Variants in SGCZ observed in about 807,000 individuals in gnomAD.
SGCZ encodes zeta-sarcoglycan.
Under a neutral mutation model 41.3 loss-of-function variants are expected in SGCZ, and 40 were observed. That is an observed-to-expected ratio of 0.97 (90% CI 0.75 to 1.26). The LOEUF (loss-of-function observed/expected upper bound fraction) is 1.26. Ranked by LOEUF, SGCZ falls within the 50% of genes most tolerant of loss-of-function variation. The pLI, the probability that SGCZ is intolerant of heterozygous loss-of-function variation, is 0.00. For synonymous variants in SGCZ, 206 were observed against 137.5 expected (o/e 1.50, Z -3.49); for missense variants, 552 against 369.8 (o/e 1.49, Z -4.04).
At chr8:14,598,807 G>C (rs1037640912) in intron 1 of SGCZ, among the ~76,000 whole-genome samples, 1 of 152,142 alleles carries the variant, frequency 6.6e-6, no homozygotes, top group Admixed American at 6.5e-5. Flanking sequence ...GAGATTACAG[G>C]TATGAGGCAG....
chr8:15,051,095 C>G (rs999839884), intron 1 of SGCZ, among the ~76,000 whole-genome samples: 4 of 152,122 alleles, frequency 2.6e-5, no homozygotes, highest in South Asian at 2.1e-4. Flanking sequence ...ATTCTGAAAT[C>G]AAACTGCTGA....
At chr8:15,196,605 A>G (rs1421364817) in intron 1 of SGCZ, among the ~76,000 whole-genome samples, 1 of 148,804 alleles carries the variant, frequency 6.7e-6, no homozygotes, top group Non-Finnish European at 1.5e-5. Context: ...TGTAGTGACT[A>G]CAAACAGTAA....
intron 2 of SGCZ, among the ~76,000 whole-genome samples, chr8:14,511,404 T>C (rs1490474145): frequency 6.6e-6 from 1 of 152,024 alleles, no homozygotes; most frequent in African/African-American, 2.4e-5. Flanking sequence ...AAAATCTGTA[T>C]CTTCATTACT....
intron 1 of SGCZ, among the ~76,000 whole-genome samples, chr8:15,046,748 T>A (rs1037538824): frequency 2.6e-5 from 4 of 152,016 alleles, no homozygotes; most frequent in Admixed American, 6.6e-5. Flanking sequence ...ATGATATAGA[T>A]GTGGATATAG....
intron 1 of SGCZ, among the ~76,000 whole-genome samples, chr8:15,039,415 A>C (rs1803993991): frequency 6.6e-6 from 1 of 152,194 alleles, no homozygotes; most frequent in Non-Finnish European, 1.5e-5. Context: ...TGTGGCATCT[A>C]AAACATCCAA....
chr8:15,033,831 G>A (rs956053061), intron 1 of SGCZ, among the ~76,000 whole-genome samples: 1 of 152,062 alleles, frequency 6.6e-6, no homozygotes, highest in African/African-American at 2.4e-5. Context: ...ATTGACTCCA[G>A]TGGATTCAGG....
At chr8:14,406,766 T>C (rs538967667) in intron 2 of SGCZ, among the ~76,000 whole-genome samples, 1 of 152,250 alleles carries the variant, frequency 6.6e-6, no homozygotes, top group East Asian at 1.9e-4. Flanking sequence ...TCCAGAAATT[T>C]TTGCATACGC....
intron 2 of SGCZ, among the ~76,000 whole-genome samples, chr8:14,516,434 G>C (rs1003020659): frequency 2.0e-5 from 3 of 151,950 alleles, no homozygotes; most frequent in Admixed American, 6.6e-5. Context: ...TAAAATCTAA[G>C]ACACATTTAT....
At chr8:14,219,457 G>T (rs1320803447) in intron 4 of SGCZ, among the ~76,000 whole-genome samples, 8 of 152,126 alleles carry the variant, frequency 5.3e-5, no homozygotes, top group Non-Finnish European at 8.8e-5. Context: ...CACTTCAAAA[G>T]TTGAATGAGA....
intron 2 of SGCZ, among the ~76,000 whole-genome samples, chr8:14,544,904 A>C (rs1420781484): frequency 6.6e-6 from 1 of 151,920 alleles, no homozygotes; most frequent in African/African-American, 2.4e-5. Flanking sequence ...TTAGACCCTT[A>C]TTAGCGGTTC....
At chr8:14,429,085 G>A (rs1220751679) in intron 2 of SGCZ, among the ~76,000 whole-genome samples, 2 of 152,202 alleles carry the variant, frequency 1.3e-5, no homozygotes, top group Non-Finnish European at 1.5e-5. Context: ...GAAACTTGCT[G>A]TCTTAGAATA....
At chr8:14,993,247 C>T (rs528506639) in intron 1 of SGCZ, among the ~76,000 whole-genome samples, 3 of 152,248 alleles carry the variant, frequency 2.0e-5, no homozygotes, top group African/African-American at 7.2e-5. Flanking sequence ...TCTCCTACCA[C>T]AAGTCCGTTG....
intron 1 of SGCZ, among the ~76,000 whole-genome samples, chr8:14,950,765 C>T (rs1271037312): frequency 2.6e-5 from 4 of 151,768 alleles, no homozygotes; most frequent in African/African-American, 4.8e-5. Context: ...CATGAGGATA[C>T]GTAGTCTAAA....
At chr8:14,812,431 ATTTG>A (rs1399099850) in intron 1 of SGCZ, among the ~76,000 whole-genome samples, 2 of 152,118 alleles carry the variant, frequency 1.3e-5, no homozygotes, top group African/African-American at 2.4e-5. Flanking sequence ...ATTACAGAGT[ATTTG>A]TTTGTCAACA....
intron 2 of SGCZ, among the ~76,000 whole-genome samples, chr8:14,482,511 A>G (rs1250362166): frequency 1.3e-5 from 2 of 152,196 alleles, no homozygotes; most frequent in East Asian, 3.9e-4. Context: ...GTTAACAAGT[A>G]TAACAACTTT....
chr8:15,168,814 A>T (rs1585634394), intron 1 of SGCZ, among the ~76,000 whole-genome samples: 2 of 152,284 alleles, frequency 1.3e-5, no homozygotes, highest in Admixed American at 1.3e-4. Flanking sequence ...CCTCAGATGC[A>T]TCCTCCAAAC....
rs371306052 is a variant in SGCZ at position 14,944,449 on chromosome 8, G to C, written c.39+293136C>G. ...AATGGTCAGAATATGTGAGTTATGA[G>C]TATACTGGAAAACTTTAAGCTATGT... On this transcript the variant is annotated intron_variant, in intron 1 of 7. Transcript: ENST00000382080. Among the ~76,000 whole-genome samples, 21 of 152,260 alleles carry C rather than the reference G, an allele frequency of 1.4e-4. No individual in the cohort carries two copies. In the East Asian group the frequency reaches 3.7e-3, roughly 27 times the overall value.
At position 15,012,853 on chromosome 8, in the gene SGCZ, T is replaced by A. The variant is rs142598577; in HGVS notation, c.39+224732A>T. On this transcript the variant is annotated intron_variant, in intron 1 of 7. Coordinates refer to ENST00000382080, the MANE Select transcript of SGCZ (RefSeq NM_139167.4). Reference sequence around the variant, plus strand: ...TGCTCAACATTTCTTTTTCAGTAATTTTCAGCTTTTTTTTCCTTTCTATTC... The same window carrying A: ...TGCTCAACATTTCTTTTTCAGTAATATTCAGCTTTTTTTTCCTTTCTATTC... 8.7e-3 allele frequency among the ~76,000 whole-genome samples: 1,322 copies of A among 151,458 alleles called. 11 individuals are homozygous for A. The highest frequency in any genetic ancestry group is 0.022 in the South Asian group (106 of 4,812).
intron 1 of SGCZ, among the ~76,000 whole-genome samples, chr8:15,127,651 T>C (rs933156589): frequency 6.6e-6 from 1 of 152,202 alleles, no homozygotes. Flanking sequence ...TTGGATATTT[T>C]TTCAATTTTA....
Sources: allele counts gnomAD v4.1 joint callset (sites outside exome capture counted in the v4.1 genomes callset), GRCh38; gene constraint gnomAD v4.1.1; transcripts MANE v1.5; gene names NCBI Gene and HGNC (gene_info 2026-07-23, HGNC 2026-07-21).